Variants in DNAJC1 observed in about 807,000 individuals in gnomAD.
DNAJC1 encodes the protein dnaJ homolog subfamily C member 1.
A neutral mutation model predicts 76.6 loss-of-function variants in DNAJC1; 58 were observed. The ratio of observed to expected loss-of-function variants is 0.76; its 90% CI spans 0.61 to 0.94. The LOEUF is 0.94. Ranked by LOEUF, DNAJC1 falls within the 40% of genes least tolerant of loss-of-function variation. The pLI is 0.00. For missense variants in DNAJC1, 689 were observed against 677.3 expected, an observed-to-expected ratio of 1.02 and a Z score of -0.19; for synonymous variants, 258 against 267.9, an observed-to-expected ratio of 0.96 and a Z score of 0.36.
rs184660912 is a variant in DNAJC1, at chr10:21,803,289, C to T, written c.1098+2691G>A. On this transcript the variant is annotated intron_variant, in intron 9 of 11. Coordinates refer to ENST00000376980, the MANE Select transcript of DNAJC1 (RefSeq NM_022365.4). Reference sequence around the variant, plus strand: ...GCAAGGAAACCCGGTCAAAGAACAGCTGTGCAAAGCCAGGGAGAACTAGGC... The same window carrying T: ...GCAAGGAAACCCGGTCAAAGAACAGTTGTGCAAAGCCAGGGAGAACTAGGC... Among the ~76,000 whole-genome samples, 9 of 152,208 alleles carry T rather than the reference C, an allele frequency of 5.9e-5. No homozygotes were observed. The East Asian group carries it at 1.7e-3, about 29-fold the overall frequency.
chr10:21,919,973 T>C, intron 4 of DNAJC1, 44 bp from the exon 5 acceptor site: 1 of 1,264,358 alleles, frequency 7.9e-7, no homozygotes, highest in Non-Finnish European at 1.1e-6. Flanking sequence ...CATTAACATG[T>C]ACACTTCAAA....
intron 1 of DNAJC1, among the ~76,000 whole-genome samples, chr10:21,969,749 C>T (rs1464514328): frequency 1.3e-5 from 2 of 152,130 alleles, no homozygotes. Flanking sequence ...ATAGCAGGAA[C>T]AGTGATTACT....
intron 3 of DNAJC1, among the ~76,000 whole-genome samples, chr10:21,925,260 C>G (rs1271268142): frequency 1.3e-5 from 2 of 152,186 alleles, no homozygotes; most frequent in Non-Finnish European, 2.9e-5. Flanking sequence ...GATCCTCCCA[C>G]CTCAGCCTCC....
intron 9 of DNAJC1, among the ~76,000 whole-genome samples, chr10:21,795,015 T>C (rs1333234176): frequency 6.6e-6 from 1 of 152,178 alleles, no homozygotes; most frequent in East Asian, 1.9e-4. Context: ...GTCATCTTGG[T>C]GGTCAAAAAG....
intron 8 of DNAJC1, among the ~76,000 whole-genome samples, chr10:21,832,991 AATG>A (rs1835385250): frequency 6.6e-6 from 1 of 152,164 alleles, no homozygotes; most frequent in Non-Finnish European, 1.5e-5. Context: ...TAGTTTCTGG[AATG>A]TTTTCCCCAC....
intron 8 of DNAJC1, among the ~76,000 whole-genome samples, chr10:21,826,269 TA>T (rs1276508342): frequency 8.9e-6 from 1 of 111,732 alleles, no homozygotes; most frequent in African/African-American, 3.8e-5. Context: ...GAGACGAAAA[TA>T]TATCACATAT....
chr10:21,784,738 A>G (rs1340251408), intron 9 of DNAJC1, among the ~76,000 whole-genome samples: 2 of 152,238 alleles, frequency 1.3e-5, no homozygotes, highest in African/African-American at 4.8e-5. Context: ...GGATGAGTTC[A>G]TGTCCTTTGT....
At chr10:21,957,218 T>G (rs1437157804) in intron 1 of DNAJC1, among the ~76,000 whole-genome samples, 1 of 152,146 alleles carries the variant, frequency 6.6e-6, no homozygotes, top group Admixed American at 6.5e-5. Context: ...TTTAACCATA[T>G]GTATTTTGCC....
intron 3 of DNAJC1, among the ~76,000 whole-genome samples, chr10:21,926,083 C>G (rs866080760): frequency 1.3e-5 from 2 of 152,200 alleles, no homozygotes; most frequent in Non-Finnish European, 2.9e-5. Flanking sequence ...TCCTGAGTAG[C>G]TGGGACTATA....
intron 8 of DNAJC1, among the ~76,000 whole-genome samples, chr10:21,817,159 CAAAAAAAAAA>C (rs1194285168): frequency 1.7e-5 from 1 of 59,906 alleles, no homozygotes; most frequent in Non-Finnish European, 2.9e-5. Context: ...GATTCCGTCT[CAAAAAAAAAA>C]AAAAAAAAAA....
rs1448503816 is a variant in DNAJC1, at chr10:21,908,196, T to A, written c.730-3584A>T. Among the ~76,000 whole-genome samples the A allele has an allele frequency of 4.0e-4, 40 of 101,138 alleles. 1 individual carries two copies. The South Asian group carries it at 8.2e-3, about 21-fold the overall frequency. The allele number at this position is 101,138 out of a possible 152,430, so 66.4% of individuals were successfully genotyped here. ...ATATATAATATATAAAAATATATAT[T>A]ATATATATAAAATATATATTATATA... On this transcript the variant is annotated intron_variant, in intron 6 of 11. Coordinates refer to ENST00000376980, the MANE Select transcript of DNAJC1 (RefSeq NM_022365.4).
At chr10:21,977,645 C>A (rs1267345272) in intron 1 of DNAJC1, among the ~76,000 whole-genome samples, 1 of 152,066 alleles carries the variant, frequency 6.6e-6, no homozygotes, top group Non-Finnish European at 1.5e-5. Flanking sequence ...CGCCAACAGT[C>A]AATTATTAAG....
intron 1 of DNAJC1, among the ~76,000 whole-genome samples, chr10:21,950,260 C>T (rs550921374): frequency 3.9e-5 from 6 of 152,180 alleles, no homozygotes; most frequent in South Asian, 2.1e-4. Context: ...TGGTAACTCT[C>T]GCAACATTTC....
chr10:21,792,620 A>G (rs1329839129), intron 9 of DNAJC1, among the ~76,000 whole-genome samples: 1 of 151,960 alleles, frequency 6.6e-6, no homozygotes, highest in East Asian at 1.9e-4. Context: ...TTAGCCAGGC[A>G]TAGTGGCAGG....
chr10:21,974,436 G>T (rs1162872091), intron 1 of DNAJC1, among the ~76,000 whole-genome samples: 1 of 152,136 alleles, frequency 6.6e-6, no homozygotes, highest in African/African-American at 2.4e-5. Context: ...ATCCAGAGCC[G>T]ATTAAGATGC....
intron 8 of DNAJC1, among the ~76,000 whole-genome samples, chr10:21,875,124 A>G (rs1425935842): frequency 6.6e-6 from 1 of 151,950 alleles, no homozygotes; most frequent in Non-Finnish European, 1.5e-5. Context: ...CAGGTGATCC[A>G]CCCACCTCAG....
At chr10:21,905,366 T>G (rs1016686916) in intron 6 of DNAJC1, among the ~76,000 whole-genome samples, 4 of 152,192 alleles carry the variant, frequency 2.6e-5, no homozygotes, top group East Asian at 1.9e-4. Flanking sequence ...ACAGATCTTT[T>G]ACCACACTCC....
At chr10:21,941,919 T>G (rs1356564228) in intron 1 of DNAJC1, among the ~76,000 whole-genome samples, 1 of 152,102 alleles carries the variant, frequency 6.6e-6, no homozygotes, top group African/African-American at 2.4e-5. Flanking sequence ...GATGAGAAGG[T>G]AACCACTATG....
intron 8 of DNAJC1, among the ~76,000 whole-genome samples, chr10:21,833,111 T>G (rs1346944052): frequency 1.3e-5 from 2 of 152,246 alleles, no homozygotes; most frequent in Non-Finnish European, 2.9e-5. Context: ...AAAGTACACC[T>G]CAAAATATGC....
Sources: allele counts gnomAD v4.1 joint callset (sites outside exome capture counted in the v4.1 genomes callset), GRCh38; gene constraint gnomAD v4.1.1; transcripts MANE v1.5; gene names NCBI Gene and HGNC (gene_info 2026-07-23, HGNC 2026-07-21).